The following TPM4 variants were observed in gnomAD, a reference collection of about 807,000 sequenced individuals.
TPM4 encodes the protein tropomyosin alpha-4 chain.
TPM4 carries 17 observed loss-of-function variants against 35.8 expected under a neutral mutation model. The observed-to-expected ratio is 0.47, with a 90% CI of 0.32 to 0.71. TPM4 has a LOEUF of 0.71. Among genes scored for constraint, TPM4 ranks in the 30% least tolerant of loss-of-function variants. The pLI, the probability that TPM4 is intolerant of heterozygous loss-of-function variation, is 0.03. For synonymous variants in TPM4, 120 were observed against 122.9 expected, an observed-to-expected ratio of 0.98 and a Z score of 0.15; for missense variants, 240 against 320.9, an observed-to-expected ratio of 0.75 and a Z score of 1.93.
chr19:16,102,252 T>G lies in TPM4; in HGVS notation c.*906T>G, dbSNP rs1360946279. On this transcript the variant is annotated 3_prime_UTR_variant, in exon 8 of 8. Transcript: ENST00000643579. ...TACTCGGGAGGCTGAGGCAGGAGGA[T>G]CGCTTGAACCCAGGAAGTGGAGACT... 5.3e-6 allele frequency: 1 copy of G among 188,750 alleles called. No homozygotes were observed. The highest frequency in any genetic ancestry group is 6.2e-5 in the Admixed American group (1 of 16,194). The allele number at this position is 188,750 out of a possible 1,614,324, so 11.7% of individuals were successfully genotyped here.
In TPM4 at chr19:16,088,946, G is replaced by A. The variant is rs781348925; in HGVS notation, c.456-99G>A. On this transcript the variant is annotated intron_variant, in intron 4 of 7. Transcript: ENST00000643579. Reference sequence around the variant, plus strand: ...CCTTCTGCCCCCCACCGGGGGAGCTGTGTAGGTTTCTCCTTTGGAAAATTT... The same window carrying A: ...CCTTCTGCCCCCCACCGGGGGAGCTATGTAGGTTTCTCCTTTGGAAAATTT... 7 of 1,585,142 alleles carry A rather than the reference G, an allele frequency of 4.4e-6. No individual in the cohort carries two copies. In the Admixed American group the frequency reaches 1.0e-4, roughly 24 times the overall value.
At chr19:16,079,068 G>A (rs1000925229) in intron 1 of TPM4, among the ~76,000 whole-genome samples, 3 of 152,112 alleles carry the variant, frequency 2.0e-5, no homozygotes, top group East Asian at 1.9e-4. Flanking sequence ...AAAATGACTC[G>A]GCCGTGACTA....
intron 1 of TPM4, among the ~76,000 whole-genome samples, chr19:16,077,569 A>G (rs893674420): frequency 1.5e-4 from 23 of 152,150 alleles, no homozygotes; most frequent in African/African-American, 5.5e-4. Flanking sequence ...GGGTCTGGGG[A>G]CAGATTTGGA....
At chr19:16,075,436 A>T (rs945771707), upstream of TPM4, 40 of 152,312 alleles carry the variant, frequency 2.6e-4, no homozygotes, top group African/African-American at 8.9e-4. Flanking sequence ...TGTAGGGGCG[A>T]GTCTCTTCTA....
chr19:16,076,402 AC>A (rs2090405640), upstream of TPM4: 1 of 1,373,042 alleles, frequency 7.3e-7, no homozygotes, highest in Non-Finnish European at 9.3e-7. Context: ...CGGCCGGGTG[AC>A]CTCATCGCCC....
Position 16,095,651 on chromosome 19 carries a change from C to G in TPM4, c.664+1898C>G, listed in dbSNP as rs138882888. 1,076 of 960,778 alleles carry G rather than the reference C, an allele frequency of 1.1e-3. 3 individuals carry two copies. The highest frequency in any genetic ancestry group is 5.2e-3 in the Admixed American group (87 of 16,688). The allele number at this position is 960,778 out of a possible 1,614,324, so 59.5% of individuals were successfully genotyped here. A position where few individuals can be genotyped will look rare whatever the true frequency, so the allele number is the denominator to read the frequency against. On this transcript the variant is annotated intron_variant, in intron 7 of 7. Transcript: ENST00000643579. ...AGCTTATTACAAAAAGAAAATTATG[C>G]CTACAGGATGCTTTTCTGAAGACGT... is the stretch of plus-strand genomic sequence containing the variant.
chr19:16,075,996 G>A, upstream of TPM4: 3 of 1,537,984 alleles, frequency 2.0e-6, no homozygotes, highest in Non-Finnish European at 2.6e-6. Flanking sequence ...TGCACCTCGG[G>A]GACGTGACCC....
At chr19:16,071,816 C>T (rs2090359092), upstream of TPM4, among the ~76,000 whole-genome samples, 1 of 151,940 alleles carries the variant, frequency 6.6e-6, no homozygotes, top group Admixed American at 6.6e-5. Context: ...CCGCTTCCTG[C>T]CCACTCCCCT....
Position 16,076,514 on chromosome 19 carries a change from C to G in TPM4, c.-52C>G. Reference sequence around the variant, plus strand: ...GCGGCTGTGCAGCTCTCGCCGGAGCCGAGCCCAGCCGAGCGTCCGCCGCTG... The same window carrying G: ...GCGGCTGTGCAGCTCTCGCCGGAGCGGAGCCCAGCCGAGCGTCCGCCGCTG... On this transcript the variant is annotated 5_prime_UTR_variant, in exon 1 of 8. Transcript: ENST00000643579. 5 of 1,380,610 alleles carry G rather than the reference C, an allele frequency of 3.6e-6. No individual in the cohort carries two copies. In the African/African-American group the frequency reaches 6.1e-5, roughly 17 times the overall value. 85.5% of individuals were successfully genotyped at this position (1,380,610 alleles called of 1,614,324 possible). A position where few individuals can be genotyped will look rare whatever the true frequency, so the allele number is the denominator to read the frequency against.
rs112747312 is a variant in TPM4, at chr19:16,088,098, G to A, written c.455+1G>A. ...AGGAGCGTGCGGAGGTGTCTGAACT[G>A]TGAGTGGCAGAACAGGACTGAGCGA... is the stretch of plus-strand genomic sequence containing the variant. On this transcript the variant is annotated splice_donor_variant, in intron 4 of 7. Coordinates refer to ENST00000643579, the MANE Select transcript of TPM4 (RefSeq NM_003290.3). LOFTEE classifies it high-confidence loss of function. The A allele has an allele frequency of 6.2e-7, 1 of 1,610,786 alleles. No individual in the cohort carries two copies. Among genetic ancestry groups the A allele is most frequent in the Non-Finnish European group, 8.5e-7 (1 of 1,178,912 alleles).
In TPM4 at chr19:16,067,856, C is replaced by A; in HGVS notation, c.114+118C>A. The A allele has an allele frequency of 2.1e-6, 2 of 941,184 alleles. No homozygotes were observed. The highest frequency in any genetic ancestry group is 3.1e-6 in the Non-Finnish European group (2 of 643,410). The allele number at this position is 941,184 out of a possible 1,614,324, so 58.3% of individuals were successfully genotyped here. ...CCTGCGGGAGGATAGGAGGCTGATG[C>A]TTTGGCGGAGGAAGAGCGAGGGGAC... On this transcript the variant is annotated intron_variant, in intron 2 of 2. Coordinates refer to the TPM4 transcript ENST00000589897. This position sits in a 1 kb window ranked among gnomAD's most constrained non-coding sequence, Gnocchi z 4.1.
intron 1 of TPM4, chr19:16,077,020 CGTGCAGGCTCCGACTCCG>C (rs974002708): frequency 1.2e-4 from 35 of 283,060 alleles, no homozygotes; most frequent in Non-Finnish European, 1.8e-4. Context: ...GGGGGCGTAT[CGTGCAGGCTCCGACTCCG>C]GGGCTGGCGC....
At chr19:16,083,855 C>T (rs890999209) in intron 2 of TPM4, among the ~76,000 whole-genome samples, 3 of 150,046 alleles carry the variant, frequency 2.0e-5, no homozygotes, top group African/African-American at 7.4e-5. Flanking sequence ...ACCTCCTGGG[C>T]TCAAGCGATC....
upstream of TPM4, chr19:16,076,009 C>CG (rs780234642): frequency 8.5e-5 from 136 of 1,591,068 alleles, no homozygotes; most frequent in Non-Finnish European, 1.1e-4. Flanking sequence ...CGTGACCCCC[C>CG]CCCCAGGCTG....
At chr19:16,072,172 C>T (rs2090362274), upstream of TPM4, among the ~76,000 whole-genome samples, 1 of 152,198 alleles carries the variant, frequency 6.6e-6, no homozygotes, top group African/African-American at 2.4e-5. Context: ...GGGGTTGTGT[C>T]TTCGATTCAT....
chr19:16,089,222 A>T, intron 5 of TPM4, 102 bp downstream of exon 5: 1 of 1,481,036 alleles, frequency 6.8e-7, no homozygotes. Flanking sequence ...TCTGCCCTTT[A>T]TTTAACAGTA....
At chr19:16,078,175 C>A in intron 1 of TPM4, 1 of 398,616 alleles carries the variant, frequency 2.5e-6, no homozygotes. Flanking sequence ...GTTTTCTGTG[C>A]AGTTATGGGA....
chr19:16,088,828 G>C (rs1161927017), intron 4 of TPM4: 1 of 1,333,496 alleles, frequency 7.5e-7, no homozygotes, highest in Non-Finnish European at 9.6e-7. Flanking sequence ...AATACTCTTC[G>C]GGCGCACCTC....
chr19:16,070,974 T>C lies in TPM4; in HGVS notation c.114+3236T>C, dbSNP rs1211282590. On this transcript the variant is annotated intron_variant, in intron 2 of 2. Coordinates refer to the TPM4 transcript ENST00000589897. This position sits in a 1 kb window ranked among gnomAD's most constrained non-coding sequence, Gnocchi z 7.4. The stretch of plus-strand genomic sequence containing the variant: ...AGAGAAACAAGTTTATAGCACTAAT[T>C]CTTACTAAGGTGTGAGTGGCTATCT... Among the ~76,000 whole-genome samples, 1 of 152,132 alleles carries C rather than the reference T, an allele frequency of 6.6e-6. No individual in the cohort carries two copies. Among genetic ancestry groups the C allele is most frequent in the African/African-American group, 2.4e-5 (1 of 41,434 alleles).
Sources: allele counts gnomAD v4.1 joint callset (sites outside exome capture counted in the v4.1 genomes callset), GRCh38; gene constraint gnomAD v4.1.1; non-coding constraint Gnocchi (gnomAD v3.1); transcripts MANE v1.5; gene names NCBI Gene and HGNC (gene_info 2026-07-23, HGNC 2026-07-21).